VPS41: variants seen among roughly 807,000 people sequenced by gnomAD.
VPS41 encodes VPS41 subunit of HOPS complex.
Under a neutral mutation model 130.9 loss-of-function variants are expected in VPS41, and 85 were observed. The ratio of observed to expected loss-of-function variants is 0.65; its 90% CI spans 0.55 to 0.78. The LOEUF is 0.78. Among genes scored for constraint, VPS41 ranks in the 30% least tolerant of loss-of-function variants. VPS41 has a pLI of 0.00. For synonymous variants in VPS41, 335 were observed against 332.9 expected, an observed-to-expected ratio of 1.01 and a Z score of -0.07; for missense variants, 874 against 1,018.7, an observed-to-expected ratio of 0.86 and a Z score of 1.93.
intron 27 of VPS41, 28 bp from the exon 28 acceptor site, chr7:38,727,016 G>A (rs2115557938): frequency 6.7e-7 from 1 of 1,495,512 alleles, no homozygotes. Flanking sequence ...GAAAGGAGGA[G>A]AACTTAATGC....
intron 23 of VPS41, among the ~76,000 whole-genome samples, chr7:38,745,226 C>T (rs533957713): frequency 1.3e-5 from 2 of 152,226 alleles, no homozygotes; most frequent in African/African-American, 2.4e-5. Flanking sequence ...TTATTTTCTA[C>T]CAATATGATG....
In VPS41 at chr7:38,735,085, T is replaced by C. The variant is rs545979797; in HGVS notation, c.2260-6294A>G. On this transcript the variant is annotated intron_variant, in intron 25 of 28. Transcript: ENST00000310301. Reference sequence around the variant, plus strand: ...AATTTCTAATAGCACAAAGTATGGATGTACCAAATTAATTTTAAAAGCTAC... The same window carrying C: ...AATTTCTAATAGCACAAAGTATGGACGTACCAAATTAATTTTAAAAGCTAC... Among the ~76,000 whole-genome samples, 287 of 152,332 alleles carry C rather than the reference T, an allele frequency of 1.9e-3. 1 individual carries two copies. Among genetic ancestry groups the C allele is most frequent in the Non-Finnish European group, 3.5e-3 (239 of 68,028 alleles).
intron 10 of VPS41, among the ~76,000 whole-genome samples, chr7:38,787,055 C>T (rs1053798366): frequency 1.1e-4 from 16 of 152,258 alleles, no homozygotes; most frequent in East Asian, 5.8e-4. Context: ...AAGATACAGA[C>T]AATACTGAAA....
chr7:38,747,775 G>T lies in VPS41; in HGVS notation c.1927-2162C>A, dbSNP rs1200034157. On this transcript the variant is annotated intron_variant, in intron 22 of 28. Transcript: ENST00000310301. Reference sequence around the variant, plus strand: ...TTTCAAATACTCAATTGTGACATGTGGTTGGTGGCTACTATGTGGGACAGA... The same window carrying T: ...TTTCAAATACTCAATTGTGACATGTTGTTGGTGGCTACTATGTGGGACAGA... 2.0e-5 allele frequency among the ~76,000 whole-genome samples: 3 copies of T among 152,314 alleles called. No individual in the cohort carries two copies. The East Asian group carries it at 5.8e-4, about 29-fold the overall frequency.
rs1194379007 is a variant in VPS41, at chr7:38,815,557, T to A, written c.450+2260A>T. On this transcript the variant is annotated intron_variant, in intron 7 of 28. Coordinates refer to ENST00000310301, the MANE Select transcript of VPS41 (RefSeq NM_014396.4). Reference sequence around the variant, plus strand: ...ATAACAAGTGTCAACTTGATTGGATTGAAGGATGCAAAGTATTGCTCCTGG... The same window carrying A: ...ATAACAAGTGTCAACTTGATTGGATAGAAGGATGCAAAGTATTGCTCCTGG... Among the ~76,000 whole-genome samples the A allele has an allele frequency of 3.3e-5, 5 of 152,214 alleles. No individual in the cohort carries two copies. The East Asian group carries it at 9.6e-4, about 29-fold the overall frequency.
At chr7:38,888,876 T>A (rs893100850) in intron 2 of VPS41, among the ~76,000 whole-genome samples, 20 of 141,386 alleles carry the variant, frequency 1.4e-4, no homozygotes, top group African/African-American at 5.2e-4. Context: ...AGAACCTCAC[T>A]CAAAACCACA....
At chr7:38,785,235 G>A (rs767450192) in intron 10 of VPS41, among the ~76,000 whole-genome samples, 5 of 152,146 alleles carry the variant, frequency 3.3e-5, no homozygotes, top group Non-Finnish European at 7.3e-5. Context: ...TGGAAATAAC[G>A]GCACTTCAAC....
Position 38,891,024 on chromosome 7 carries a change from GAA to G in VPS41, c.60+7065_60+7066del, listed in dbSNP as rs35524306. ...TTTTTTTTAAATTTAATATCTCAAGGAAAAAAAAGTGTAGTAGAATAAAAAAC... is the reference window on the plus strand; with the variant it reads ...TTTTTTTTAAATTTAATATCTCAAGGAAAAAAGTGTAGTAGAATAAAAAAC... On this transcript the variant is annotated intron_variant, in intron 2 of 28. Transcript: ENST00000310301. Among the ~76,000 whole-genome samples, 644 of 151,818 alleles carry G rather than the reference GAA, an allele frequency of 4.2e-3. 6 individuals are homozygous for G. The highest frequency in any genetic ancestry group is 0.014 in the African/African-American group (571 of 41,420).
chr7:38,749,349 A>G (rs1352386449), intron 22 of VPS41, among the ~76,000 whole-genome samples: 1 of 152,222 alleles, frequency 6.6e-6, no homozygotes, highest in East Asian at 1.9e-4. Context: ...AAAGGAAGAC[A>G]ACCAAAGGAA....
At chr7:38,784,219 TGG>T (rs1484979273) in intron 10 of VPS41, among the ~76,000 whole-genome samples, 3 of 152,188 alleles carry the variant, frequency 2.0e-5, no homozygotes, top group Non-Finnish European at 4.4e-5. Context: ...AACCACCCTA[TGG>T]TTATTTTAGA....
intron 7 of VPS41, among the ~76,000 whole-genome samples, chr7:38,805,489 C>T (rs1424427331): frequency 6.6e-5 from 10 of 151,596 alleles, no homozygotes; most frequent in Admixed American, 2.0e-4. Context: ...GCCGAGATCG[C>T]GCCACTGCAC....
rs561588703 is a variant in VPS41 at position 38,742,194 on chromosome 7, A to G, written c.2123-73T>C. Reference sequence around the variant, plus strand: ...GCAATTTTATTTGCACATAATTTGCATATAATGCAATTTTAGATCAAAAGT... The same window carrying G: ...GCAATTTTATTTGCACATAATTTGCGTATAATGCAATTTTAGATCAAAAGT... On this transcript the variant is annotated intron_variant, in intron 24 of 28. Coordinates refer to ENST00000310301, the MANE Select transcript of VPS41 (RefSeq NM_014396.4). 5 of 1,399,528 alleles carry G rather than the reference A, an allele frequency of 3.6e-6. No homozygotes were observed. The East Asian group carries it at 1.2e-4, about 35-fold the overall frequency. 86.7% of individuals were successfully genotyped at this position (1,399,528 alleles called of 1,614,324 possible).
intron 4 of VPS41, among the ~76,000 whole-genome samples, chr7:38,851,506 C>T (rs892603735): frequency 6.6e-6 from 1 of 152,264 alleles, no homozygotes; most frequent in Admixed American, 6.5e-5. Flanking sequence ...TAGTTCATTC[C>T]TTTTTATTTT....
intron 1 of VPS41, among the ~76,000 whole-genome samples, chr7:38,907,089 A>AC (rs1554299249): frequency 6.6e-6 from 1 of 152,162 alleles, no homozygotes; most frequent in Non-Finnish European, 1.5e-5. Flanking sequence ...AAAAAAAAAA[A>AC]AACAAATTTT....
At chr7:38,895,403 A>G (rs1399896665) in intron 2 of VPS41, among the ~76,000 whole-genome samples, 4 of 152,238 alleles carry the variant, frequency 2.6e-5, no homozygotes, top group African/African-American at 4.8e-5. Flanking sequence ...GTTTATAGAC[A>G]TTCAACTCAT....
chr7:38,762,294 A>G (rs935409696), intron 17 of VPS41, among the ~76,000 whole-genome samples: 5 of 152,248 alleles, frequency 3.3e-5, no homozygotes, highest in African/African-American at 1.2e-4. Flanking sequence ...GAATGAGCAA[A>G]GTTATAGAAA....
At chr7:38,813,380 G>A (rs749888418) in intron 7 of VPS41, among the ~76,000 whole-genome samples, 4 of 152,072 alleles carry the variant, frequency 2.6e-5, no homozygotes, top group African/African-American at 9.7e-5. Flanking sequence ...AGGAAGATGG[G>A]GAGTGACTGC....
At chr7:38,849,119 G>A (rs1785792059) in intron 4 of VPS41, among the ~76,000 whole-genome samples, 1 of 152,074 alleles carries the variant, frequency 6.6e-6, no homozygotes, top group Admixed American at 6.5e-5. Flanking sequence ...GACATACAAA[G>A]AATATTGAAA....
chr7:38,824,662 AC>A (rs1352293400), intron 5 of VPS41, among the ~76,000 whole-genome samples: 1 of 152,242 alleles, frequency 6.6e-6, no homozygotes, highest in African/African-American at 2.4e-5. Context: ...CAACAAAAAA[AC>A]ATTCAAAAGC....
Sources: allele counts gnomAD v4.1 joint callset (sites outside exome capture counted in the v4.1 genomes callset), GRCh38; gene constraint gnomAD v4.1.1; transcripts MANE v1.5; gene names NCBI Gene and HGNC (gene_info 2026-07-23, HGNC 2026-07-21).